RAI1: variants seen among roughly 807,000 people sequenced by gnomAD.
RAI1 encodes retinoic acid-induced protein 1.
A neutral mutation model predicts 123.8 loss-of-function variants in RAI1; 9 were observed. The observed-to-expected ratio is 0.07, with a 90% CI of 0.04 to 0.13. The LOEUF is 0.13. Ranked by LOEUF, RAI1 falls within the 10% of genes least tolerant of loss-of-function variation. The pLI is 1.00. For missense variants in RAI1, 2,256 were observed against 2,545.8 expected (o/e 0.89, Z 2.45); for synonymous variants, 1,231 against 1,127.3 (o/e 1.09, Z -1.84).
In RAI1 at chr17:17,810,291, C is replaced by A; in HGVS notation, c.*310C>A. ...CGGAGCGGCCAGACTCCCCGGGGCG[C>A]TCAGCCTCCGGCGAGGGTGGGAGAC... On this transcript the variant is annotated 3_prime_UTR_variant, in exon 6 of 6. Coordinates refer to ENST00000353383, the MANE Select transcript of RAI1 (RefSeq NM_030665.4). This position sits in a 1 kb window ranked among gnomAD's most constrained non-coding sequence, Gnocchi z 4.6. 2.2e-6 allele frequency: 1 copy of A among 462,056 alleles called. No homozygotes were observed. Among genetic ancestry groups the A allele is most frequent in the Non-Finnish European group, 3.8e-6 (1 of 262,476 alleles). The allele number at this position is 462,056 out of a possible 1,614,324, so 28.6% of individuals were successfully genotyped here.
chr17:17,769,931 G>A (rs572101758), intron 2 of RAI1, among the ~76,000 whole-genome samples: 28 of 152,038 alleles, frequency 1.8e-4, no homozygotes, highest in Non-Finnish European at 3.4e-4. Context: ...GCGGTCACCC[G>A]GGAAGAGAGG....
intron 1 of RAI1, among the ~76,000 whole-genome samples, chr17:17,692,044 G>A (rs760137449): frequency 2.3e-4 from 35 of 152,212 alleles, no homozygotes; most frequent in Non-Finnish European, 4.4e-4. Context: ...TAAAACAGAC[G>A]TTTTGCCAAA....
At chr17:17,781,077 G>C (rs1288303927) in intron 2 of RAI1, among the ~76,000 whole-genome samples, 2 of 152,172 alleles carry the variant, frequency 1.3e-5, no homozygotes, top group Non-Finnish European at 2.9e-5. Context: ...TTGGGGAAGG[G>C]GCCCAGCCCT....
rs576418511 is a variant in RAI1 at position 17,810,654 on chromosome 17, A to G, written c.*673A>G. ...GGCAAAGCCGGGGTAGACCTGGGCT[A>G]TGCTCAGTTAGGGGTTGCGGGATCC... is the stretch of plus-strand genomic sequence containing the variant. On this transcript the variant is annotated 3_prime_UTR_variant, in exon 6 of 6. Transcript: ENST00000353383. The surrounding 1 kb of genome is among the most constrained non-coding windows in gnomAD (Gnocchi z 4.6). 1.1e-5 allele frequency: 4 copies of G among 351,718 alleles called. No individual in the cohort carries two copies. Among genetic ancestry groups the G allele is most frequent in the African/African-American group, 6.4e-5 (3 of 46,526 alleles). 21.8% of individuals were successfully genotyped at this position (351,718 alleles called of 1,614,324 possible).
intron 1 of RAI1, among the ~76,000 whole-genome samples, chr17:17,723,237 A>C (rs982225661): frequency 1.3e-5 from 2 of 151,336 alleles, no homozygotes; most frequent in African/African-American, 4.9e-5. Flanking sequence ...TCACGGAGTC[A>C]CACAACCCCC....
At chr17:17,792,312 CATGCGTGTGTGTGTGTGT>C (rs1186431972) in intron 2 of RAI1, among the ~76,000 whole-genome samples, 1 of 151,788 alleles carries the variant, frequency 6.6e-6, no homozygotes, top group African/African-American at 2.4e-5. Flanking sequence ...TGTGTGTGTG[CATGCGTGTGTGTGTGTGT>C]GCGCGCGTGT....
At position 17,798,533 on chromosome 17, in the gene RAI1, A is replaced by G. The variant is rs1406067580; in HGVS notation, c.5565+20A>G. 14 of 1,597,932 alleles carry G rather than the reference A, an allele frequency of 8.8e-6. No homozygotes were observed. Among genetic ancestry groups the G allele is most frequent in the Non-Finnish European group, 1.1e-5 (13 of 1,179,644 alleles). ...GACATGGTAAGAGGCCAGCCCAGCC[A>G]GGGTGGGGAGTGTGGGGTTCCAAAG... On this transcript the variant is annotated intron_variant, in intron 3 of 5. Coordinates refer to ENST00000353383, the MANE Select transcript of RAI1 (RefSeq NM_030665.4).
At chr17:17,686,608 T>TGTGTGTGTGTGC (rs1491248703) in intron 1 of RAI1, among the ~76,000 whole-genome samples, 1 of 137,764 alleles carries the variant, frequency 7.3e-6, no homozygotes, top group Non-Finnish European at 1.6e-5. Context: ...TGTGTGTGTG[T>TGTGTGTGTGTGC]GCACGCGCGC....
At chr17:17,783,096 C>G (rs1294121007) in intron 2 of RAI1, among the ~76,000 whole-genome samples, 1 of 107,268 alleles carries the variant, frequency 9.3e-6, no homozygotes, top group Admixed American at 9.3e-5. Flanking sequence ...GCGGTCCCCG[C>G]GCAGGCGAGA....
intron 1 of RAI1, among the ~76,000 whole-genome samples, chr17:17,717,961 A>G (rs1915763240): frequency 6.6e-6 from 1 of 152,170 alleles, no homozygotes; most frequent in African/African-American, 2.4e-5. Flanking sequence ...CCTGCAGTCA[A>G]GTAGGGAAGG....
rs1914421694 is a variant in RAI1 at position 17,681,752 on chromosome 17, C to T, written c.-190C>T. ...CCCAGGCCTCCGGGCCGCGAAGTCG[C>T]AGCGCCAGACCCAAGGCCCCCGAGT... On this transcript the variant is annotated 5_prime_UTR_variant, in exon 1 of 6. Transcript: ENST00000353383. The T allele has an allele frequency of 1.5e-5, 5 of 328,502 alleles. No individual in the cohort carries two copies. The South Asian group carries it at 5.4e-4, about 36-fold the overall frequency. The allele number at this position is 328,502 out of a possible 1,614,324, so 20.3% of individuals were successfully genotyped here. A position where few individuals can be genotyped will look rare whatever the true frequency, so the allele number is the denominator to read the frequency against.
intron 2 of RAI1, among the ~76,000 whole-genome samples, chr17:17,726,007 G>C (rs1001965497): frequency 2.6e-5 from 4 of 152,096 alleles, no homozygotes. Flanking sequence ...GTGTGACACC[G>C]GCTGACTGGA....
chr17:17,728,439 C>G (rs1916163362), intron 2 of RAI1, among the ~76,000 whole-genome samples: 1 of 152,152 alleles, frequency 6.6e-6, no homozygotes, highest in Non-Finnish European at 1.5e-5. Flanking sequence ...TGCTCACATC[C>G]CCCAGCCAGG....
In RAI1 at chr17:17,810,329, G is replaced by T. The variant is rs2032712424; in HGVS notation, c.*348G>T. On this transcript the variant is annotated 3_prime_UTR_variant, in exon 6 of 6. Coordinates refer to ENST00000353383, the MANE Select transcript of RAI1 (RefSeq NM_030665.4). This position sits in a 1 kb window ranked among gnomAD's most constrained non-coding sequence, Gnocchi z 4.6. ...GAGGGTGGGAGACGGCTTTGTCCTG[G>T]GGACACTTTCCCTCTGGAATCTCAA... The T allele has an allele frequency of 2.5e-6, 1 of 394,432 alleles. No homozygotes were observed. The highest frequency in any genetic ancestry group is 4.4e-5 in the Admixed American group (1 of 22,788). 24.4% of individuals were successfully genotyped at this position (394,432 alleles called of 1,614,324 possible). A position where few individuals can be genotyped will look rare whatever the true frequency, so the allele number is the denominator to read the frequency against.
At chr17:17,722,391 C>A (rs185487401) in intron 1 of RAI1, among the ~76,000 whole-genome samples, 27 of 152,326 alleles carry the variant, frequency 1.8e-4, no homozygotes, top group African/African-American at 6.5e-4. Flanking sequence ...CCCCCCTCAC[C>A]GTGGCCCTGC....
At chr17:17,698,965 G>A (rs1018933240) in intron 1 of RAI1, among the ~76,000 whole-genome samples, 59 of 152,316 alleles carry the variant, frequency 3.9e-4, no homozygotes, top group African/African-American at 1.3e-3. Context: ...TGGGAATGCC[G>A]GCTGATCACA....
At position 17,793,103 on chromosome 17, in the gene RAI1, A is replaced by G. The variant is rs1361997890; in HGVS notation, c.155A>G (p.Asn52Ser). The G allele has an allele frequency of 6.2e-7, 1 of 1,613,962 alleles. No individual in the cohort carries two copies. The highest frequency in any genetic ancestry group is 1.3e-5 in the African/African-American group (1 of 75,024). Residue 52 changes from asparagine to serine, a missense_variant, in exon 3 of 6, where the codon AAC becomes AGC. By Grantham distance (46) the Asn-to-Ser change is conservative (BLOSUM62 1). Transcript: ENST00000353383. The stretch of plus-strand genomic sequence containing the variant: ...CGGCTGCTCGCCAAGGACTATTATA[A>G]CCCGCAGCCTTACCCGAGCTATGAG... Reference protein sequence around the residue: ...RQRLLAKDYYNPQPYPSYEGG... With the variant: ...RQRLLAKDYYSPQPYPSYEGG...
Position 17,710,840 on chromosome 17 carries a change from C to T in RAI1, c.-148-13188C>T, listed in dbSNP as rs528912461. Among the ~76,000 whole-genome samples, 10 of 152,204 alleles carry T rather than the reference C, an allele frequency of 6.6e-5. No individual in the cohort carries two copies. The South Asian group carries it at 8.3e-4, about 13-fold the overall frequency. ...TTTTTTCCAGAGGCCCAGAGAGGGC[C>T]GTCTTCTTGCCCAAGGTCACACAGC... On this transcript the variant is annotated intron_variant, in intron 1 of 5. Transcript: ENST00000353383.
chr17:17,808,422 ATT>A (rs72188259), intron 4 of RAI1, among the ~76,000 whole-genome samples: 36,149 of 106,838 alleles, frequency 0.34, 5,918 homozygotes, highest in East Asian at 0.71. Flanking sequence ...TTATTATTTT[ATT>A]TTATTTTATT....
Sources: allele counts gnomAD v4.1 joint callset (sites outside exome capture counted in the v4.1 genomes callset), GRCh38; gene constraint gnomAD v4.1.1; non-coding constraint Gnocchi (gnomAD v3.1); transcripts MANE v1.5; gene names NCBI Gene and HGNC (gene_info 2026-07-23, HGNC 2026-07-21).